Variants in SAMHD1 observed in about 807,000 individuals in gnomAD.
SAMHD1 encodes SAM and HD domain containing deoxynucleoside triphosphate triphosphohydrolase 1, also known as deoxynucleoside triphosphate triphosphohydrolase SAMHD1.
Under a neutral mutation model 79.6 loss-of-function variants are expected in SAMHD1, and 54 were observed. That is an observed-to-expected ratio of 0.68 (90% CI 0.55 to 0.85). The LOEUF is 0.85. SAMHD1 is among the 40% of genes least tolerant of loss of function. The pLI, the probability that SAMHD1 is intolerant of heterozygous loss-of-function variation, is 0.00. For missense variants in SAMHD1, 663 were observed against 782.7 expected (o/e 0.85, Z 1.82); for synonymous variants, 260 against 264.1 (o/e 0.98, Z 0.15).
rs913032644 is a variant in SAMHD1, at chr20:36,946,459, C to G, written c.275+279G>C. On this transcript the variant is annotated intron_variant, in intron 2 of 15. Coordinates refer to ENST00000646673, the MANE Select transcript of SAMHD1 (RefSeq NM_015474.4). ...AAAATTAGTGGGGCATGGTGGTGGGCACCTGTAATCCTAGCTACTCAGGAG... is the reference window on the plus strand; with the variant it reads ...AAAATTAGTGGGGCATGGTGGTGGGGACCTGTAATCCTAGCTACTCAGGAG... The G allele has an allele frequency of 1.8e-5, 6 of 325,992 alleles. 1 individual carries two copies. The highest frequency in any genetic ancestry group is 9.9e-4 in the Middle Eastern group (1 of 1,006). The allele number at this position is 325,992 out of a possible 1,614,324, so 20.2% of individuals were successfully genotyped here.
chr20:36,893,249 A>T, intron 15 of SAMHD1, 183 bp from the exon 16 acceptor site: 1 of 683,628 alleles, frequency 1.5e-6, no homozygotes, highest in Non-Finnish European at 2.5e-6. Context: ...GAAACACTAC[A>T]GTCTTACGCA....
intron 15 of SAMHD1, 191 bp from the exon 16 acceptor site, chr20:36,893,257 G>A (rs575702712): frequency 4.8e-4 from 318 of 663,742 alleles, no homozygotes; most frequent in Non-Finnish European, 4.7e-4. Flanking sequence ...ACAGTCTTAC[G>A]CAGGAAGAGC....
intron 11 of SAMHD1, among the ~76,000 whole-genome samples, chr20:36,909,037 C>T (rs2063421179): frequency 6.6e-6 from 1 of 152,266 alleles, no homozygotes; most frequent in East Asian, 1.9e-4. Flanking sequence ...TCTCTGCTCA[C>T]CGCAACCTCT....
intron 5 of SAMHD1, 66 bp from the exon 6 acceptor site, chr20:36,927,318 T>C: frequency 5.9e-6 from 6 of 1,020,578 alleles, no homozygotes; most frequent in Non-Finnish European, 4.2e-6. Flanking sequence ...TTTTTCCTTT[T>C]TTTTTTTTTT....
chr20:36,937,533 G>A (rs913429218), intron 3 of SAMHD1, among the ~76,000 whole-genome samples: 2 of 152,126 alleles, frequency 1.3e-5, no homozygotes, highest in African/African-American at 2.4e-5. Flanking sequence ...AAATCAAATT[G>A]TGTGTGATTG....
chr20:36,938,993 G>A (rs1325251451), intron 3 of SAMHD1, among the ~76,000 whole-genome samples: 1 of 146,306 alleles, frequency 6.8e-6, no homozygotes, highest in Admixed American at 7.2e-5. Context: ...CACTTTGGGA[G>A]GCCAAGGTGG....
Position 36,951,444 on chromosome 20 carries a change from T to C in SAMHD1, c.200A>G (p.Asn67Ser), listed in dbSNP as rs2063733948. The C allele has an allele frequency of 6.2e-7, 1 of 1,613,934 alleles. No homozygotes were observed. Among genetic ancestry groups the C allele is most frequent in the Non-Finnish European group, 8.5e-7 (1 of 1,179,940 alleles). Reference sequence around the variant, plus strand: ...CCCTCCGGAGCCGCTACCTCGGATGTTCTTCAGCAGCACCGGCTCTTCAAA... The same window carrying C: ...CCCTCCGGAGCCGCTACCTCGGATGCTCTTCAGCAGCACCGGCTCTTCAAA... ...GGFEEPVLLKNIRENEITGAL... is the reference protein window; with the variant it reads ...GGFEEPVLLKSIRENEITGAL... The change falls in exon 1 of 16, where the codon AAC becomes AGC. Residue 67 changes from asparagine to serine, a missense_variant. By Grantham distance (46) the Asn-to-Ser change is conservative (BLOSUM62 1). Transcript: ENST00000646673.
At chr20:36,926,926 AT>A in intron 6 of SAMHD1, 1 of 404,840 alleles carries the variant, frequency 2.5e-6, no homozygotes, top group Non-Finnish European at 4.5e-6. Context: ...CGGCTTTGTG[AT>A]TTTTGATGCA....
chr20:36,933,099 A>G (rs563818650), intron 4 of SAMHD1, among the ~76,000 whole-genome samples: 2 of 152,300 alleles, frequency 1.3e-5, no homozygotes, highest in South Asian at 4.1e-4. Flanking sequence ...AGGGCTTAGT[A>G]AGGTTCGATA....
intron 6 of SAMHD1, among the ~76,000 whole-genome samples, chr20:36,926,466 A>G (rs2063537062): frequency 6.6e-6 from 1 of 152,170 alleles, no homozygotes; most frequent in African/African-American, 2.4e-5. Flanking sequence ...GGAATTTTTC[A>G]GGAAGATGAA....
Position 36,905,402 on chromosome 20 carries a change from C to T in SAMHD1, c.1372G>A (p.Gly458Ser). 6.2e-7 allele frequency: 1 copy of T among 1,613,976 alleles called. No homozygotes were observed. The highest frequency in any genetic ancestry group is 1.1e-5 in the South Asian group (1 of 91,074). The change falls in exon 12 of 16, where the codon GGT becomes AGT. Residue 458 changes from glycine to serine, a missense_variant. Gly to Ser is a moderately conservative substitution (Grantham distance 56). Coordinates refer to ENST00000646673, the MANE Select transcript of SAMHD1 (RefSeq NM_015474.4). ...IEYRNLFKYV[G>S]ETQPTGQIKI... ...ATTTGTCCTGTTGGCTGCGTCTCAC[C>T]CACATACTTGAATAGATTACGGTAT...
intron 3 of SAMHD1, chr20:36,940,286 A>G (rs2063634375): frequency 6.6e-6 from 1 of 152,164 alleles, no homozygotes; most frequent in South Asian, 2.1e-4. Context: ...ACAATACTAT[A>G]CATTGTTTAT....
intron 9 of SAMHD1, among the ~76,000 whole-genome samples, 199 bp from the exon 10 acceptor site, chr20:36,912,751 ATTTTT>A (rs66970329): frequency 5.6e-5 from 6 of 107,056 alleles, no homozygotes; most frequent in South Asian, 3.5e-4. Context: ...TGCAACTTTC[ATTTTT>A]TTTTTTTTTT....
Position 36,890,419 on chromosome 20 carries a change from T to TTTCTTTCTTTCTTTCTTTCTTTCTTTC in SAMHD1, c.*2512_*2513insGAAAGAAAGAAAGAAAGAAAGAAAGAA, listed in dbSNP as rs1555830171. ...TTCTCTTTCTTTCTTTCTTTCTTTC[T>TTTCTTTCTTTCTTTCTTTCTTTCTTTC]TTTCTTTCTCTCTTTCCTTCCTTCC... On this transcript the variant is annotated 3_prime_UTR_variant, in exon 16 of 16. Transcript: ENST00000646673. 7 of 21,398 alleles carry TTTCTTTCTTTCTTTCTTTCTTTCTTTC rather than the reference T, an allele frequency of 3.3e-4. No homozygotes were observed. Among genetic ancestry groups the TTTCTTTCTTTCTTTCTTTCTTTCTTTC allele is most frequent in the East Asian group, 4.2e-3 (2 of 474 alleles). The allele number at this position is 21,398 out of a possible 1,614,324, so 1.3% of individuals were successfully genotyped here.
chr20:36,915,228 C>T (rs2063467677), intron 9 of SAMHD1, among the ~76,000 whole-genome samples: 1 of 151,706 alleles, frequency 6.6e-6, no homozygotes, highest in Non-Finnish European at 1.5e-5. Context: ...GTCCCAGCTA[C>T]TCGGGAGGCA....
intron 2 of SAMHD1, among the ~76,000 whole-genome samples, chr20:36,941,872 G>T (rs951848052): frequency 3.9e-5 from 6 of 152,164 alleles, no homozygotes; most frequent in African/African-American, 1.4e-4. Context: ...GGGATACACA[G>T]AAGCATTATT....
chr20:36,938,637 C>T (rs2063620155), intron 3 of SAMHD1, among the ~76,000 whole-genome samples: 1 of 151,868 alleles, frequency 6.6e-6, no homozygotes. Context: ...GAGATCGAGA[C>T]CATCCTAGCT....
chr20:36,933,458 A>G (rs1013690471), intron 4 of SAMHD1, among the ~76,000 whole-genome samples: 1 of 152,114 alleles, frequency 6.6e-6, no homozygotes, highest in African/African-American at 2.4e-5. Flanking sequence ...TCAAATATAC[A>G]TAATTAGTTG....
intron 3 of SAMHD1, chr20:36,940,768 C>A: frequency 2.0e-6 from 1 of 493,492 alleles, no homozygotes; most frequent in Non-Finnish European, 3.6e-6. Flanking sequence ...AAATAACAGA[C>A]TTGAAGCAAA....
Sources: gnomAD v4.1 joint callset for allele counts (sites outside exome capture counted in the v4.1 genomes callset) on GRCh38, gnomAD v4.1.1 for gene constraint, MANE v1.5 for transcripts, NCBI Gene and HGNC (gene_info 2026-07-23, HGNC 2026-07-21) for gene names.